The following RALYL variants were observed in gnomAD, a reference collection of about 807,000 sequenced individuals.
RALYL encodes the protein RNA-binding Raly-like protein.
Under a neutral mutation model 35.1 loss-of-function variants are expected in RALYL, and 29 were observed. The observed-to-expected ratio is 0.83, with a 90% CI of 0.61 to 1.13. The LOEUF (loss-of-function observed/expected upper bound fraction) is 1.13. RALYL is among the 50% of genes most tolerant of loss of function. The pLI, the probability that RALYL is intolerant of heterozygous loss-of-function variation, is 0.00. For synonymous variants in RALYL, 120 were observed against 127.6 expected (o/e 0.94, Z 0.40); for missense variants, 359 against 360.4 (o/e 1.00, Z 0.03).
chr8:84,704,101 A>G (rs187181061), intron 2 of RALYL, among the ~76,000 whole-genome samples: 2 of 152,186 alleles, frequency 1.3e-5, no homozygotes, highest in African/African-American at 4.8e-5. Context: ...TTGTGATTGT[A>G]TGGACTTTAT....
At chr8:84,913,010 GGATGGATGGATGGATGGATGGATA>G (rs1253928883) in intron 8 of RALYL, among the ~76,000 whole-genome samples, 1 of 130,112 alleles carries the variant, frequency 7.7e-6, no homozygotes, top group Non-Finnish European at 1.6e-5. Context: ...ATGGATGGAT[GGATGGATGGATGGATGGATGGATA>G]GGTAGGTAGA....
chr8:84,430,251 A>C (rs2132662331), intron 1 of RALYL, among the ~76,000 whole-genome samples: 1 of 152,272 alleles, frequency 6.6e-6, no homozygotes, highest in South Asian at 2.1e-4. Context: ...CCATAACTAG[A>C]ATTTCAATCC....
intron 1 of RALYL, among the ~76,000 whole-genome samples, chr8:84,243,501 C>T (rs144690662): frequency 1.4e-4 from 14 of 97,512 alleles, no homozygotes; most frequent in African/African-American, 4.1e-4. Context: ...CTCTCTCACA[C>T]TTTTTTTTTT....
At chr8:84,618,054 C>CT (rs1479549867) in intron 2 of RALYL, among the ~76,000 whole-genome samples, 3 of 151,744 alleles carry the variant, frequency 2.0e-5, no homozygotes, top group African/African-American at 7.3e-5. Flanking sequence ...CTAAAATTCT[C>CT]TTTTTTGGTT....
intron 2 of RALYL, among the ~76,000 whole-genome samples, chr8:84,608,382 G>A (rs1021313899): frequency 6.6e-6 from 1 of 152,096 alleles, no homozygotes; most frequent in Non-Finnish European, 1.5e-5. Context: ...CAGGATCCTA[G>A]CAATTCCTCC....
chr8:84,701,070 A>C (rs1391470160), intron 2 of RALYL, among the ~76,000 whole-genome samples: 1 of 152,198 alleles, frequency 6.6e-6, no homozygotes, highest in East Asian at 1.9e-4. Flanking sequence ...GGAAAGGGTA[A>C]GAGAAGGGTC....
intron 2 of RALYL, among the ~76,000 whole-genome samples, chr8:84,576,382 C>T (rs1809436029): frequency 6.6e-6 from 1 of 152,160 alleles, no homozygotes; most frequent in Non-Finnish European, 1.5e-5. Flanking sequence ...TTTCAGGCTG[C>T]ATGAGAACAC....
intron 1 of RALYL, among the ~76,000 whole-genome samples, chr8:84,250,557 CA>C (rs2131665432): frequency 6.6e-6 from 1 of 151,528 alleles, no homozygotes; most frequent in African/African-American, 2.4e-5. Flanking sequence ...TTGTTATGGA[CA>C]AAACTTTGAT....
intron 1 of RALYL, among the ~76,000 whole-genome samples, chr8:84,313,664 A>G (rs764092170): frequency 7.2e-5 from 11 of 152,214 alleles, no homozygotes; most frequent in Non-Finnish European, 8.8e-5. Flanking sequence ...TTGCTAAAGC[A>G]TAGCAAGAGT....
At chr8:84,855,845 G>C (rs1389435601) in intron 5 of RALYL, among the ~76,000 whole-genome samples, 1 of 152,006 alleles carries the variant, frequency 6.6e-6, no homozygotes, top group Non-Finnish European at 1.5e-5. Flanking sequence ...AATGCCACAG[G>C]TGTTTTACTT....
At chr8:84,630,311 G>T (rs1003141201) in intron 2 of RALYL, among the ~76,000 whole-genome samples, 6 of 151,916 alleles carry the variant, frequency 3.9e-5, no homozygotes, top group Non-Finnish European at 7.4e-5. Flanking sequence ...AGTGTAACTG[G>T]GACCTACTAG....
intron 1 of RALYL, among the ~76,000 whole-genome samples, chr8:84,394,845 A>G (rs1861447445): frequency 6.6e-6 from 1 of 152,004 alleles, no homozygotes; most frequent in African/African-American, 2.4e-5. Flanking sequence ...ACAAGCTCAC[A>G]TAAAAATAGG....
chr8:84,799,023 T>C (rs907437483), intron 3 of RALYL, among the ~76,000 whole-genome samples: 5 of 152,144 alleles, frequency 3.3e-5, no homozygotes, highest in African/African-American at 1.2e-4. Context: ...ACTATAAATA[T>C]AGTAATAAAG....
intron 2 of RALYL, among the ~76,000 whole-genome samples, chr8:84,655,203 C>T (rs1361338083): frequency 3.9e-5 from 6 of 152,002 alleles, no homozygotes; most frequent in African/African-American, 1.4e-4. Context: ...TGATGTGGAG[C>T]ACATTTTCAT....
intron 1 of RALYL, among the ~76,000 whole-genome samples, chr8:84,503,302 C>A (rs2056864945): frequency 6.6e-6 from 1 of 151,208 alleles, no homozygotes; most frequent in Non-Finnish European, 1.5e-5. Flanking sequence ...TACAGGCACA[C>A]ACCACCATGC....
At chr8:84,919,475 C>A (rs535105889) in intron 8 of RALYL, among the ~76,000 whole-genome samples, 2 of 152,016 alleles carry the variant, frequency 1.3e-5, no homozygotes, top group African/African-American at 4.8e-5. Context: ...AAGTTCGAAC[C>A]TTTGTGCCTT....
chr8:84,581,805 T>C (rs192149310), intron 2 of RALYL, among the ~76,000 whole-genome samples: 1 of 152,306 alleles, frequency 6.6e-6, no homozygotes, highest in Non-Finnish European at 1.5e-5. Flanking sequence ...AAGTATCTTA[T>C]GAAAATTTGT....
rs766504736 is a variant in RALYL, at chr8:84,735,809, C to CGTGAGAGAGA, written c.257-38769_257-38768insTGAGAGAGAG. On this transcript the variant is annotated intron_variant, in intron 2 of 8. Transcript: ENST00000521268. ...CCCCATTCCTTAAGATCATCCAAAC[C>CGTGAGAGAGA]GCGAGAGAGAGAGAGAGAGAGAGAG... Among the ~76,000 whole-genome samples, 500 of 119,094 alleles carry CGTGAGAGAGA rather than the reference C, an allele frequency of 4.2e-3. 9 individuals are homozygous for CGTGAGAGAGA. The highest frequency in any genetic ancestry group is 0.013 in the African/African-American group (408 of 31,602). The allele number at this position is 119,094 out of a possible 152,430, so 78.1% of individuals were successfully genotyped here. A position where few individuals can be genotyped will look rare whatever the true frequency, so the allele number is the denominator to read the frequency against.
At chr8:84,860,082 A>C (rs1837817352) in intron 5 of RALYL, among the ~76,000 whole-genome samples, 1 of 152,186 alleles carries the variant, frequency 6.6e-6, no homozygotes, top group South Asian at 2.1e-4. Flanking sequence ...GAGGTTTGGT[A>C]ATCCTTGGCT....
Sources: allele counts gnomAD v4.1 joint callset (sites outside exome capture counted in the v4.1 genomes callset), GRCh38; gene constraint gnomAD v4.1.1; transcripts MANE v1.5; gene names NCBI Gene and HGNC (gene_info 2026-07-23, HGNC 2026-07-21).